AKAP8L: variants seen among roughly 807,000 people sequenced by gnomAD.
AKAP8L encodes A-kinase anchoring protein 8 like, also known as A-kinase anchor protein 8-like.
AKAP8L carries 34 observed loss-of-function variants against 77.5 expected under a neutral mutation model. The ratio of observed to expected loss-of-function variants is 0.44; its 90% CI spans 0.33 to 0.58. The LOEUF (loss-of-function observed/expected upper bound fraction) is 0.58, where lower values mean the gene tolerates loss of function less well. Ranked by LOEUF, AKAP8L falls within the 20% of genes least tolerant of loss-of-function variation. The probability of loss-of-function intolerance (pLI) is 0.02; values close to 1 mark genes in which losing one functional copy is unlikely to be tolerated. For missense variants in AKAP8L, 806 were observed against 887.6 expected (o/e 0.91, Z 1.17); for synonymous variants, 342 against 340.7 (o/e 1.00, Z -0.04).
rs1967803390 is a variant in AKAP8L, at chr19:15,397,603, T to C, written c.1322A>G (p.Lys441Arg). The C allele has an allele frequency of 1.9e-6, 3 of 1,613,844 alleles. No homozygotes were observed. The highest frequency in any genetic ancestry group is 1.1e-5 in the South Asian group (1 of 91,076). ...GGTTTTTCGGAGCTCCTCTGTCTTC[T>C]TGGTCTTGTTAGTGACGTACTCCTG... is the stretch of plus-strand genomic sequence containing the variant. ...FLQEYVTNKT[K>R]KTEELRKTVE... The change falls in exon 11 of 14, where the codon AAG becomes AGG. Residue 441 changes from lysine (K) to arginine (R), a missense_variant. This residue lies in a region of AKAP8L where 580 missense variants were observed against 694.1 expected (regional missense o/e 0.84). Coordinates refer to ENST00000397410, the MANE Select transcript of AKAP8L (RefSeq NM_014371.4). The surrounding 1 kb of genome is among the most constrained non-coding windows in gnomAD (Gnocchi z 4.7).
intron 1 of AKAP8L, among the ~76,000 whole-genome samples, chr19:15,417,060 T>C (rs1968220160): frequency 6.6e-6 from 1 of 152,164 alleles, no homozygotes; most frequent in African/African-American, 2.4e-5. Context: ...TTTTTTAGCT[T>C]GGCTATCTCA....
chr19:15,386,302 A>C (rs1188568860), intron 12 of AKAP8L, among the ~76,000 whole-genome samples: 1 of 152,208 alleles, frequency 6.6e-6, no homozygotes, highest in Non-Finnish European at 1.5e-5. Flanking sequence ...ATTAAGGTTT[A>C]AGAAGCTTCC....
Position 15,418,967 on chromosome 19 carries a change from T to C in AKAP8L, c.-44A>G. The C allele has an allele frequency of 6.2e-7, 1 of 1,603,684 alleles. No homozygotes were observed. The highest frequency in any genetic ancestry group is 8.5e-7 in the Non-Finnish European group (1 of 1,179,284). On this transcript the variant is annotated 5_prime_UTR_variant, in exon 1 of 14. Transcript: ENST00000397410. ...ATCCGACGACGCCGGCTTCTGCTGC[T>C]CTGAACATCCGACGCTGCGATAGCT... is the stretch of plus-strand genomic sequence containing the variant.
Position 15,403,753 on chromosome 19 carries a change from G to A in AKAP8L, c.122-38C>T. On this transcript the variant is annotated intron_variant, in intron 3 of 13. Coordinates refer to ENST00000397410, the MANE Select transcript of AKAP8L (RefSeq NM_014371.4). The surrounding 1 kb of genome is among the most constrained non-coding windows in gnomAD (Gnocchi z 4.3). ...AGACAGAGACAGACAGATGGTGGGG[G>A]CAGGCAGAGGGGAGGCAGACAGAGA... is the stretch of plus-strand genomic sequence containing the variant. 6.7e-7 allele frequency: 1 copy of A among 1,485,450 alleles called. No homozygotes were observed. The highest frequency in any genetic ancestry group is 1.2e-5 in the South Asian group (1 of 83,546). 92.0% of individuals were successfully genotyped at this position (1,485,450 alleles called of 1,614,324 possible). A position where few individuals can be genotyped will look rare whatever the true frequency, so the allele number is the denominator to read the frequency against.
intron 12 of AKAP8L, among the ~76,000 whole-genome samples, chr19:15,394,627 T>C (rs143739132): frequency 8.5e-5 from 13 of 152,204 alleles, no homozygotes; most frequent in African/African-American, 3.1e-4. Context: ...TACTGTAACC[T>C]TGAACTCCTA....
Position 15,380,388 on chromosome 19 carries a change from G to C in AKAP8L, c.1675C>G (p.Gln559Glu), listed in dbSNP as rs1341778027. 1.9e-6 allele frequency: 3 copies of C among 1,583,804 alleles called. No homozygotes were observed. The highest frequency in any genetic ancestry group is 1.3e-5 in the African/African-American group (1 of 74,386). Residue 559 changes from glutamine (Q) to glutamate (E), a missense_variant, in exon 14 of 14, where the codon CAG becomes GAG. Physicochemically the swap from Gln to Glu is conservative, Grantham distance 29. Around this residue, in one of 2 missense-constraint regions of AKAP8L, gnomAD observed 226 missense variants for 193.5 expected, o/e 1.17. Transcript: ENST00000397410. Reference protein sequence around the residue: ...FTDSPEEEKEQEEAEGGALDE... With the variant: ...FTDSPEEEKEEEEAEGGALDE... Reference sequence around the variant, plus strand: ...AGGGCACCGCCCTCAGCCTCCTCCTGCTCCTTCTCCTCCTCGGGGCTGTCG... The same window carrying C: ...AGGGCACCGCCCTCAGCCTCCTCCTCCTCCTTCTCCTCCTCGGGGCTGTCG...
At chr19:15,395,631 T>G (rs1967754393) in intron 12 of AKAP8L, among the ~76,000 whole-genome samples, 1 of 151,120 alleles carries the variant, frequency 6.6e-6, no homozygotes, top group African/African-American at 2.4e-5. Context: ...CAACTTTCAT[T>G]AATGACATAT....
At chr19:15,389,622 T>C (rs1465185286) in intron 12 of AKAP8L, among the ~76,000 whole-genome samples, 1 of 151,964 alleles carries the variant, frequency 6.6e-6, no homozygotes, top group Admixed American at 6.6e-5. Flanking sequence ...ATACAAAAAA[T>C]TAGCCGGGCA....
chr19:15,401,207 G>A lies in AKAP8L; in HGVS notation c.759C>T (p.Gly253=). Residue 253 remains glycine, a synonymous_variant, in exon 5 of 14, where the codon GGC becomes GGT. Transcript: ENST00000397410. This position sits in a 1 kb window ranked among gnomAD's most constrained non-coding sequence, Gnocchi z 6.2. ...TCCGCCTCATCTGCTTCATGCCATT[G>A]CCAAACCCGAAACCAAAGCGGGAGC... The part of the protein sequence containing the change: ...PGGSRFGFGF[G]NGMKQMRRTW... 1 of 1,612,204 alleles carries A rather than the reference G, an allele frequency of 6.2e-7. No individual in the cohort carries two copies.
chr19:15,406,400 A>AGAGAGAGG (rs1183555648), intron 2 of AKAP8L, among the ~76,000 whole-genome samples: 1 of 146,400 alleles, frequency 6.8e-6, no homozygotes, highest in African/African-American at 2.5e-5. Context: ...AGAGAGAGAG[A>AGAGAGAGG]GAGATCCTTA....
intron 2 of AKAP8L, among the ~76,000 whole-genome samples, chr19:15,407,807 T>A (rs1254316346): frequency 2.0e-5 from 3 of 152,204 alleles, no homozygotes; most frequent in African/African-American, 7.2e-5. Flanking sequence ...CTCAAACTAA[T>A]CTATAGATTC....
chr19:15,405,915 C>G (rs1481578188), intron 2 of AKAP8L, among the ~76,000 whole-genome samples: 3 of 150,942 alleles, frequency 2.0e-5, no homozygotes, highest in Non-Finnish European at 4.4e-5. Flanking sequence ...GAGCGAGACT[C>G]TGTCTCAAAA....
chr19:15,416,136 AAAAG>A (rs1968203993), intron 1 of AKAP8L, among the ~76,000 whole-genome samples: 1 of 152,216 alleles, frequency 6.6e-6, no homozygotes, highest in East Asian at 1.9e-4. Flanking sequence ...CTAAAAAAAA[AAAAG>A]AGTCTTATTT....
intron 1 of AKAP8L, among the ~76,000 whole-genome samples, chr19:15,410,972 G>A (rs989931624): frequency 2.6e-5 from 4 of 152,022 alleles, no homozygotes; most frequent in Admixed American, 2.0e-4. Flanking sequence ...GCCATCATTC[G>A]CAGCTAATTT....
intron 2 of AKAP8L, among the ~76,000 whole-genome samples, chr19:15,408,304 C>T (rs770236697): frequency 2.0e-5 from 3 of 152,118 alleles, no homozygotes; most frequent in Non-Finnish European, 2.9e-5. Flanking sequence ...GTGGCTCACA[C>T]CTGTAATCCT....
intron 12 of AKAP8L, among the ~76,000 whole-genome samples, chr19:15,390,583 G>C (rs1241317535): frequency 2.0e-5 from 3 of 152,130 alleles, no homozygotes; most frequent in Non-Finnish European, 4.4e-5. Flanking sequence ...TATGAGGCCA[G>C]TATTAATTAA....
chr19:15,391,238 A>C (rs1346471151), intron 12 of AKAP8L, among the ~76,000 whole-genome samples: 1 of 152,016 alleles, frequency 6.6e-6, no homozygotes, highest in Non-Finnish European at 1.5e-5. Flanking sequence ...AGGCGGGTGG[A>C]TCATGAGCAG....
intron 12 of AKAP8L, chr19:15,383,366 T>C (rs1301335785): frequency 3.3e-5 from 5 of 152,134 alleles, no homozygotes; most frequent in Non-Finnish European, 5.9e-5. Context: ...CTCACCACCA[T>C]GCTTGGCTAA....
At position 15,398,503 on chromosome 19, in the gene AKAP8L, G is replaced by T; in HGVS notation, c.1158-648C>A. ...GAGGGCAGCCTGGAGTCACCTGGGC[G>T]AGGTGCTCTGTCTGGGCCTGGTGTC... On this transcript the variant is annotated intron_variant, in intron 9 of 13. Transcript: ENST00000397410. The surrounding 1 kb of genome is among the most constrained non-coding windows in gnomAD (Gnocchi z 9.2). 1.1e-6 allele frequency: 1 copy of T among 884,996 alleles called. No individual in the cohort carries two copies. Among genetic ancestry groups the T allele is most frequent in the Non-Finnish European group, 1.4e-6 (1 of 737,616 alleles). 54.8% of individuals were successfully genotyped at this position (884,996 alleles called of 1,614,324 possible). A position where few individuals can be genotyped will look rare whatever the true frequency, so the allele number is the denominator to read the frequency against.
Sources: allele counts gnomAD v4.1 joint callset (sites outside exome capture counted in the v4.1 genomes callset), GRCh38; gene constraint gnomAD v4.1.1; regional missense constraint gnomAD v4.1.1; non-coding constraint Gnocchi (gnomAD v3.1); transcripts MANE v1.5; gene names NCBI Gene and HGNC (gene_info 2026-07-23, HGNC 2026-07-21).